Variants in MDN1 observed in about 807,000 individuals in gnomAD.
The protein encoded by MDN1 is midasin AAA ATPase 1.
MDN1 carries 266 observed loss-of-function variants against 669.2 expected under a neutral mutation model. The ratio of observed to expected loss-of-function variants is 0.40; its 90% CI spans 0.36 to 0.44. The LOEUF (loss-of-function observed/expected upper bound fraction) is 0.44. Ranked by LOEUF, MDN1 falls within the 20% of genes least tolerant of loss-of-function variation. MDN1 has a pLI of 1.00. For missense variants in MDN1, 5,940 were observed against 6,754.0 expected (o/e 0.88, Z 4.22); for synonymous variants, 2,385 against 2,457.1 (o/e 0.97, Z 0.87).
At chr6:89,672,420 T>C (rs920712027) in intron 81 of MDN1, 57 bp from the exon 82 acceptor site, 39 of 1,602,638 alleles carry the variant, frequency 2.4e-5, no homozygotes, top group Non-Finnish European at 3.1e-5. Flanking sequence ...AACAAATCCT[T>C]TTATCTCTAT....
chr6:89,673,973 G>A, intron 79 of MDN1, 131 bp downstream of exon 79: 2 of 541,662 alleles, frequency 3.7e-6, no homozygotes, highest in Non-Finnish European at 5.5e-6. Context: ...AAACCGACGA[G>A]TTCCCTAGGT....
At chr6:89,774,098 G>A (rs1249007083) in intron 13 of MDN1, among the ~76,000 whole-genome samples, 1 of 152,174 alleles carries the variant, frequency 6.6e-6, no homozygotes, top group East Asian at 1.9e-4. Context: ...CCAGCCTCCA[G>A]GACTGTGAAA....
intron 76 of MDN1, among the ~76,000 whole-genome samples, chr6:89,677,153 G>A (rs917891650): frequency 6.6e-6 from 1 of 151,838 alleles, no homozygotes; most frequent in Non-Finnish European, 1.5e-5. Context: ...GTGCAGTGGT[G>A]TAATCTCAGC....
At position 89,695,770 on chromosome 6, in the gene MDN1, G is replaced by T. The variant is rs115404561; in HGVS notation, c.9606C>A (p.His3202Gln). ...ELLCQLLTSL[H>Q]HFVGEGESKR... is the part of the protein sequence containing the mutation. Reference sequence around the variant, plus strand: ...TACTCTCCCCTTCACCAACAAAGTGGTGCAGGGAGGTGAGCAACTGGCAGA... The same window carrying T: ...TACTCTCCCCTTCACCAACAAAGTGTTGCAGGGAGGTGAGCAACTGGCAGA... Residue 3202 changes from histidine to glutamine, a missense_variant, in exon 61 of 102, where the codon CAC (histidine) becomes CAA (glutamine). By Grantham distance (24) the His-to-Gln change is conservative. Coordinates refer to ENST00000369393, the MANE Select transcript of MDN1 (RefSeq NM_014611.3). The surrounding 1 kb of genome is among the most constrained non-coding windows in gnomAD (Gnocchi z 4.1). The T allele has an allele frequency of 6.2e-7, 1 of 1,613,676 alleles. No individual in the cohort carries two copies. Among genetic ancestry groups the T allele is most frequent in the Non-Finnish European group, 8.5e-7 (1 of 1,179,954 alleles).
chr6:89,759,389 A>G (rs948896041), intron 17 of MDN1, among the ~76,000 whole-genome samples: 1 of 152,196 alleles, frequency 6.6e-6, no homozygotes, highest in Non-Finnish European at 1.5e-5. Context: ...AAAATGCAAC[A>G]TCCCTTGGCT....
At chr6:89,663,068 G>T in intron 85 of MDN1, 101 bp from the exon 86 acceptor site, 2 of 1,288,244 alleles carry the variant, frequency 1.6e-6, no homozygotes, top group Non-Finnish European at 2.2e-6. Context: ...GGCCCCACCT[G>T]AGATTTATTG....
At position 89,674,461 on chromosome 6, in the gene MDN1, C is replaced by T. The variant is rs911192931; in HGVS notation, c.12890G>A (p.Cys4297Tyr). ...GGAGAGCTGCTCAAGCAGGATCTGG[C>T]ACTGCATGGCCAGGTGCTGCAGGCG... ...TERLQHLAMQCQILLEQLSWL... is the reference protein window; with the variant it reads ...TERLQHLAMQYQILLEQLSWL... Residue 4297 changes from cysteine to tyrosine, a missense_variant, in exon 79 of 102, where the codon TGC becomes TAC. Physicochemically the swap from Cys to Tyr is radical, Grantham distance 194 (BLOSUM62 -2). Around this residue, in one of 5 missense-constraint regions of MDN1, gnomAD observed 2,280 missense variants for 2,576.3 expected, o/e 0.88. Transcript: ENST00000369393. The T allele has an allele frequency of 3.7e-6, 6 of 1,613,834 alleles. No homozygotes were observed. The highest frequency in any genetic ancestry group is 1.7e-6 in the Non-Finnish European group (2 of 1,179,978).
intron 12 of MDN1, among the ~76,000 whole-genome samples, chr6:89,774,992 T>C (rs1189035678): frequency 5.9e-5 from 9 of 152,180 alleles, no homozygotes; most frequent in Non-Finnish European, 1.3e-4. Context: ...AACACACTGA[T>C]ATATCCAATA....
intron 1 of MDN1, among the ~76,000 whole-genome samples, chr6:89,808,179 G>A (rs1768138560): frequency 6.7e-6 from 1 of 149,290 alleles, no homozygotes; most frequent in Non-Finnish European, 1.5e-5. Context: ...TTATTATTTT[G>A]GGGTCTGTTG....
chr6:89,815,005 C>G, intron 1 of MDN1: 1 of 597,924 alleles, frequency 1.7e-6, no homozygotes, highest in Non-Finnish European at 2.8e-6. Flanking sequence ...CACCAAGTGT[C>G]TGGTGGAGAC....
At position 89,760,344 on chromosome 6, in the gene MDN1, C is replaced by T. The variant is rs543338804; in HGVS notation, c.2460+1301G>A. On this transcript the variant is annotated intron_variant, in intron 17 of 101. Coordinates refer to ENST00000369393, the MANE Select transcript of MDN1 (RefSeq NM_014611.3). ...AATTGGGGCAATGAAGTGAACGGGT[C>T]CAAATCCCTCTCTCACATCCACACA... Among the ~76,000 whole-genome samples the T allele has an allele frequency of 9.2e-5, 14 of 152,220 alleles. No homozygotes were observed. In the South Asian group the frequency reaches 2.3e-3, roughly 25 times the overall value.
At chr6:89,746,593 C>CA (rs34446722) in intron 27 of MDN1, among the ~76,000 whole-genome samples, 49 of 65,562 alleles carry the variant, frequency 7.5e-4, no homozygotes, top group African/African-American at 2.1e-3. Flanking sequence ...GACTCTATCT[C>CA]AAAAAAAAAA....
intron 2 of MDN1, among the ~76,000 whole-genome samples, chr6:89,796,324 C>CAAAAAAAAAAAAAAACAAAAAAAA (rs1819593546): frequency 2.2e-5 from 1 of 45,392 alleles, no homozygotes; most frequent in African/African-American, 1.5e-4. Context: ...AACTCTGTCT[C>CAAAAAAAAAAAAAAACAAAAAAAA]AAAAAAAAAA....
At chr6:89,783,107 A>T (rs1442340068) in intron 9 of MDN1, among the ~76,000 whole-genome samples, 1 of 152,202 alleles carries the variant, frequency 6.6e-6, no homozygotes, top group Non-Finnish European at 1.5e-5. Context: ...TTAGGGAACA[A>T]GGACAGACAA....
In MDN1 at chr6:89,716,720, C is replaced by A; in HGVS notation, c.6673G>T (p.Val2225Phe). Reference sequence around the variant, plus strand: ...AGGGCCTGAACCAACATGCTGTCAACCCATTCAAATGTGCCATGGCTATGG... The same window carrying A: ...AGGGCCTGAACCAACATGCTGTCAAACCATTCAAATGTGCCATGGCTATGG... Reference protein sequence around the residue: ...SGHSHGTFEWVDSMLVQALKS... With the variant: ...SGHSHGTFEWFDSMLVQALKS... The change falls in exon 44 of 102, where the codon GTT becomes TTT. Residue 2225 changes from valine to phenylalanine, a missense_variant. Around this residue, in one of 5 missense-constraint regions of MDN1, gnomAD observed 2,292 missense variants for 2,638.3 expected, o/e 0.87. Transcript: ENST00000369393. The A allele has an allele frequency of 1.2e-6, 2 of 1,614,144 alleles. No homozygotes were observed. The highest frequency in any genetic ancestry group is 1.7e-6 in the Non-Finnish European group (2 of 1,179,974).
chr6:89,751,638 G>T, intron 22 of MDN1, 56 bp from the exon 23 acceptor site: 1 of 1,563,218 alleles, frequency 6.4e-7, no homozygotes, highest in Non-Finnish European at 8.7e-7. Context: ...TTTCAGAGAA[G>T]GGCATAAAGT....
chr6:89,774,685 G>A lies in MDN1; in HGVS notation c.1870C>T (p.Leu624=). The change falls in exon 13 of 102, where the codon CTA becomes TTA. Residue 624 remains leucine (L), a synonymous_variant. Coordinates refer to ENST00000369393, the MANE Select transcript of MDN1 (RefSeq NM_014611.3). ...CGCACTCGACCCACTTGCAAATCTA[G>A]CTCATTGATCACAATTTCTGGTTTA... The part of the protein sequence containing the change: ...LYKPEIVINE[L]DLQVGRVRLL... 6.2e-7 allele frequency: 1 copy of A among 1,613,642 alleles called. No individual in the cohort carries two copies. The highest frequency in any genetic ancestry group is 8.5e-7 in the Non-Finnish European group (1 of 1,179,692).
chr6:89,679,774 T>G (rs141132535), intron 74 of MDN1, among the ~76,000 whole-genome samples: 1 of 152,286 alleles, frequency 6.6e-6, no homozygotes, highest in East Asian at 1.9e-4. Flanking sequence ...CAGCCAAATA[T>G]AGGCAGTCAC....
At chr6:89,694,308 G>C in intron 61 of MDN1, 125 bp from the exon 62 acceptor site, 2 of 738,414 alleles carry the variant, frequency 2.7e-6, no homozygotes, top group Non-Finnish European at 4.7e-6. Context: ...GACCCAAGGA[G>C]AGGTGGCTCT....
Sources: allele counts gnomAD v4.1 joint callset (sites outside exome capture counted in the v4.1 genomes callset), GRCh38; gene constraint gnomAD v4.1.1; regional missense constraint gnomAD v4.1.1; non-coding constraint Gnocchi (gnomAD v3.1); transcripts MANE v1.5; gene names NCBI Gene and HGNC (gene_info 2026-07-23, HGNC 2026-07-21).